The following A1CF variants were observed in gnomAD, a reference collection of about 807,000 sequenced individuals.
The protein encoded by A1CF is APOBEC-1 stimulating protein.
Under a neutral mutation model 68.9 loss-of-function variants are expected in A1CF, and 48 were observed. That is an observed-to-expected ratio of 0.70 (90% CI 0.55 to 0.89). The LOEUF is 0.89. Ranked by LOEUF, A1CF falls within the 40% of genes least tolerant of loss-of-function variation. The pLI is 0.00. For missense variants in A1CF, 653 were observed against 718.9 expected (o/e 0.91, Z 1.05); for synonymous variants, 272 against 260.4 (o/e 1.04, Z -0.43).
At chr10:50,872,946 CTTTTTTTTTTTTTT>C (rs34770362) in intron 1 of A1CF, among the ~76,000 whole-genome samples, 1,629 of 67,426 alleles carry the variant, frequency 0.024, 33 homozygotes, top group East Asian at 0.095. Flanking sequence ...ATTTAAGTTC[CTTTTTTTTTTTTTT>C]TTTTTTTTTT....
chr10:50,805,700 T>G lies in A1CF; in HGVS notation c.*1029A>C, dbSNP rs1400143420. On this transcript the variant is annotated 3_prime_UTR_variant, in exon 13 of 13. Coordinates refer to ENST00000373997, the MANE Select transcript of A1CF (RefSeq NM_014576.4). Reference sequence around the variant, plus strand: ...ATAAATGGGTTAGATAATGCAAAGCTAATCCCAAGTTAATATAAGCATCTC... The same window carrying G: ...ATAAATGGGTTAGATAATGCAAAGCGAATCCCAAGTTAATATAAGCATCTC... 6.6e-6 allele frequency: 1 copy of G among 152,214 alleles called. No homozygotes were observed. The highest frequency in any genetic ancestry group is 1.5e-5 in the Non-Finnish European group (1 of 68,036). The allele number at this position is 152,214 out of a possible 1,614,324, so 9.4% of individuals were successfully genotyped here. A position where few individuals can be genotyped will look rare whatever the true frequency, so the allele number is the denominator to read the frequency against.
rs1305792087 is a variant in A1CF at position 50,816,038 on chromosome 10, T to C, written c.1109A>G (p.Asn370Ser). 1.2e-6 allele frequency: 2 copies of C among 1,613,752 alleles called. No homozygotes were observed. The highest frequency in any genetic ancestry group is 2.2e-5 in the South Asian group (2 of 91,068). The change falls in exon 9 of 13, where the codon AAC becomes AGC. Residue 370 changes from asparagine to serine, a missense_variant. Physicochemically the swap from Asn to Ser is conservative, Grantham distance 46. Coordinates refer to ENST00000373997, the MANE Select transcript of A1CF (RefSeq NM_014576.4). ...AGAAGGGGCTCGGATAATGGCTCTG[T>C]TGCTGAGATGTCCTTTGGTGGCTGG... is the stretch of plus-strand genomic sequence containing the variant. ...HFPATKGHLS[N>S]RAIIRAPSVR...
At chr10:50,851,658 G>T (rs560115301) in intron 3 of A1CF, among the ~76,000 whole-genome samples, 24 of 152,308 alleles carry the variant, frequency 1.6e-4, no homozygotes, top group African/African-American at 5.5e-4. Context: ...ACTTAAAAAG[G>T]TTAGCAGGGC....
rs1838347845 is a variant in A1CF, at chr10:50,816,015, A to T, written c.1132T>A (p.Ser378Thr). 6.2e-7 allele frequency: 1 copy of T among 1,613,432 alleles called. No homozygotes were observed. Among genetic ancestry groups the T allele is most frequent in the African/African-American group, 1.3e-5 (1 of 74,878 alleles). ...LSNRAIIRAP[S>T]VRGAAGVRGL... The stretch of plus-strand genomic sequence containing the variant: ...ATCTGACTGGTGTTACCTCTAACAG[A>T]AGGGGCTCGGATAATGGCTCTGTTG... The change falls in exon 9 of 13, where the codon TCT becomes ACT. Residue 378 changes from serine (S) to threonine (T), a missense_variant. By Grantham distance (58) the Ser-to-Thr change is moderately conservative. Coordinates refer to ENST00000373997, the MANE Select transcript of A1CF (RefSeq NM_014576.4).
At chr10:50,841,240 C>T (rs896379478) in intron 5 of A1CF, among the ~76,000 whole-genome samples, 13 of 152,188 alleles carry the variant, frequency 8.5e-5, no homozygotes, top group Non-Finnish European at 1.6e-4. Context: ...CACAGCTCTC[C>T]AACTGTATTG....
At chr10:50,848,384 C>A (rs900468630) in intron 3 of A1CF, among the ~76,000 whole-genome samples, 1 of 152,136 alleles carries the variant, frequency 6.6e-6, no homozygotes, top group African/African-American at 2.4e-5. Flanking sequence ...AACTTTATGG[C>A]ATATATAGTA....
At chr10:50,879,937 T>C (rs1245657533) in intron 1 of A1CF, among the ~76,000 whole-genome samples, 1 of 152,174 alleles carries the variant, frequency 6.6e-6, no homozygotes, top group East Asian at 1.9e-4. Context: ...AAGGTGAGAC[T>C]TGGAGTGAAG....
At chr10:50,854,933 ACAC>A (rs1840408990) in intron 3 of A1CF, among the ~76,000 whole-genome samples, 1 of 152,080 alleles carries the variant, frequency 6.6e-6, no homozygotes, top group African/African-American at 2.4e-5. Flanking sequence ...AAGCTAATAC[ACAC>A]CACATTTTAA....
chr10:50,823,081 T>A (rs1014136674), intron 7 of A1CF: 1 of 152,172 alleles, frequency 6.6e-6, no homozygotes, highest in Non-Finnish European at 1.5e-5. Flanking sequence ...TGATAATGAA[T>A]TTAGATTTTC....
intron 1 of A1CF, among the ~76,000 whole-genome samples, chr10:50,871,375 A>T (rs1202013784): frequency 1.3e-5 from 2 of 151,960 alleles, no homozygotes; most frequent in African/African-American, 4.8e-5. Context: ...TGACTGAAAG[A>T]TCTAAAGGCC....
intron 8 of A1CF, among the ~76,000 whole-genome samples, chr10:50,819,773 C>A (rs1838557196): frequency 6.6e-6 from 1 of 152,112 alleles, no homozygotes; most frequent in African/African-American, 2.4e-5. Flanking sequence ...AAATTATACC[C>A]AATTTTCGTG....
intron 3 of A1CF, among the ~76,000 whole-genome samples, chr10:50,845,493 T>A (rs1349980226): frequency 6.6e-6 from 1 of 152,202 alleles, no homozygotes; most frequent in East Asian, 1.9e-4. Flanking sequence ...CCCATTTACA[T>A]AAGGTATCAA....
intron 3 of A1CF, chr10:50,850,738 C>T: frequency 6.2e-7 from 1 of 1,614,142 alleles, no homozygotes; most frequent in Non-Finnish European, 8.5e-7. Context: ...AATTGCTGTG[C>T]TCATGCTCGC....
At chr10:50,867,432 C>G (rs1841044532) in intron 1 of A1CF, among the ~76,000 whole-genome samples, 1 of 152,088 alleles carries the variant, frequency 6.6e-6, no homozygotes. Context: ...TGAAACAAGT[C>G]AGACACAGAA....
chr10:50,819,799 T>A (rs1838558606), intron 8 of A1CF, among the ~76,000 whole-genome samples: 1 of 152,212 alleles, frequency 6.6e-6, no homozygotes, highest in Admixed American at 6.6e-5. Context: ...TCTTAAATAT[T>A]ATCTTCTCAT....
intron 3 of A1CF, among the ~76,000 whole-genome samples, chr10:50,855,627 T>C (rs1840443954): frequency 6.6e-6 from 1 of 151,996 alleles, no homozygotes; most frequent in Non-Finnish European, 1.5e-5. Flanking sequence ...CATTATTGCA[T>C]CAGTTGCTAC....
In A1CF at chr10:50,879,098, G is replaced by A. The variant is rs116642819; in HGVS notation, c.-94+6483C>T. Reference sequence around the variant, plus strand: ...TCACACCCCGCATCCCAACTAATTTGTATTTTAACAAAACTTGTGGGAACA... The same window carrying A: ...TCACACCCCGCATCCCAACTAATTTATATTTTAACAAAACTTGTGGGAACA... On this transcript the variant is annotated intron_variant, in intron 1 of 12. Transcript: ENST00000373997. Among the ~76,000 whole-genome samples, 771 of 152,236 alleles carry A rather than the reference G, an allele frequency of 5.1e-3. 7 individuals carry two copies. Among genetic ancestry groups the A allele is most frequent in the African/African-American group, 0.017 (709 of 41,548 alleles).
chr10:50,806,942 T>C lies in A1CF; in HGVS notation c.1610-62A>G, dbSNP rs1224245942. ...TTCACATTTGCTCCCTTTTGGCTTA[T>C]TTGTCTTCTTTTAGAAATACGAACA... On this transcript the variant is annotated intron_variant, in intron 12 of 12. Transcript: ENST00000373997. The C allele has an allele frequency of 5.5e-5, 83 of 1,515,056 alleles. No individual in the cohort carries two copies. The Admixed American group carries it at 1.7e-3, about 31-fold the overall frequency. The allele number at this position is 1,515,056 out of a possible 1,614,324, so 93.9% of individuals were successfully genotyped here.
chr10:50,833,081 G>A (rs932538631), intron 6 of A1CF, among the ~76,000 whole-genome samples: 19 of 152,158 alleles, frequency 1.2e-4, no homozygotes, highest in Admixed American at 1.2e-3. Flanking sequence ...TAAAACACCA[G>A]TTCCCTAACT....
Sources: gnomAD v4.1 joint callset for allele counts (sites outside exome capture counted in the v4.1 genomes callset) on GRCh38, gnomAD v4.1.1 for gene constraint, MANE v1.5 for transcripts, NCBI Gene and HGNC (gene_info 2026-07-23, HGNC 2026-07-21) for gene names.